CAPZB: variants seen among roughly 807,000 people sequenced by gnomAD.
The protein encoded by CAPZB is capping actin protein of muscle Z-line subunit beta.
Under a neutral mutation model 38.1 loss-of-function variants are expected in CAPZB, and 2 were observed. The observed-to-expected ratio is 0.05, with a 90% confidence interval of 0.02 to 0.17. The LOEUF (loss-of-function observed/expected upper bound fraction) is 0.17. Ranked by LOEUF, CAPZB falls within the 10% of genes least tolerant of loss-of-function variation. CAPZB has a pLI of 1.00. For missense variants in CAPZB, 161 were observed against 334.2 expected, an observed-to-expected ratio of 0.48 and a Z score of 4.04; for synonymous variants, 107 against 127.4, an observed-to-expected ratio of 0.84 and a Z score of 1.08.
chr1:19,419,368 C>T (rs1259723670), intron 2 of CAPZB, among the ~76,000 whole-genome samples: 3 of 152,162 alleles, frequency 2.0e-5, no homozygotes, highest in African/African-American at 7.2e-5. Flanking sequence ...TTCCTCACCA[C>T]GTCTAAATGC....
At chr1:19,468,119 G>C (rs2094574570) in intron 1 of CAPZB, among the ~76,000 whole-genome samples, 1 of 152,178 alleles carries the variant, frequency 6.6e-6, no homozygotes, top group African/African-American at 2.4e-5. Context: ...AAGGGGGCTA[G>C]GCACTGACAA....
chr1:19,348,763 G>T (rs77620107), intron 6 of CAPZB, among the ~76,000 whole-genome samples: 6,348 of 138,170 alleles, frequency 0.046, 211 homozygotes, highest in African/African-American at 0.068. Flanking sequence ...CTGACAAGGG[G>T]GGGGGGCGGT....
Position 19,485,498 on chromosome 1 carries a change from G to A in CAPZB, c.-60C>T, listed in dbSNP as rs925540193. ...TCAGTGGCTCTCCCCCCCGCAGCAG[G>A]GCCCGGCGCTTCCACTTCCCCGGGT... is the stretch of plus-strand genomic sequence containing the variant. On this transcript the variant is annotated 5_prime_UTR_variant, in exon 1 of 9. Transcript: ENST00000264202. 2.0e-5 allele frequency: 24 copies of A among 1,223,554 alleles called. 2 individuals are homozygous for A. The African/African-American group carries it at 3.4e-4, about 17-fold the overall frequency. 75.8% of individuals were successfully genotyped at this position (1,223,554 alleles called of 1,614,324 possible). A position where few individuals can be genotyped will look rare whatever the true frequency, so the allele number is the denominator to read the frequency against.
At position 19,356,558 on chromosome 1, in the gene CAPZB, C is replaced by A. The variant is rs554556306; in HGVS notation, c.588+77G>T. ...ATGCTTACCCTAAATGGGGCACCTGCTCACTCATCTCTGCAGGTCAGCACT... is the reference window on the plus strand; with the variant it reads ...ATGCTTACCCTAAATGGGGCACCTGATCACTCATCTCTGCAGGTCAGCACT... On this transcript the variant is annotated intron_variant, in intron 6 of 8. Transcript: ENST00000264202. The surrounding 1 kb of genome is among the most constrained non-coding windows in gnomAD (Gnocchi z 4.3). 1.1e-5 allele frequency: 10 copies of A among 911,538 alleles called. No individual in the cohort carries two copies. The East Asian group carries it at 2.4e-4, about 22-fold the overall frequency. 56.5% of individuals were successfully genotyped at this position (911,538 alleles called of 1,614,324 possible). A position where few individuals can be genotyped will look rare whatever the true frequency, so the allele number is the denominator to read the frequency against.
chr1:19,480,006 C>T (rs1349678968), intron 1 of CAPZB, among the ~76,000 whole-genome samples: 2 of 152,172 alleles, frequency 1.3e-5, no homozygotes, highest in Non-Finnish European at 2.9e-5. Context: ...GCTTCATGCC[C>T]AGCCCCCAAG....
chr1:19,470,627 T>C (rs1228600780), intron 1 of CAPZB, among the ~76,000 whole-genome samples: 1 of 152,164 alleles, frequency 6.6e-6, no homozygotes, highest in African/African-American at 2.4e-5. Flanking sequence ...GCTCCAGTGG[T>C]TTACTGTGGG....
chr1:19,390,762 G>C (rs1223542185), intron 2 of CAPZB, among the ~76,000 whole-genome samples: 2 of 152,192 alleles, frequency 1.3e-5, no homozygotes, highest in African/African-American at 2.4e-5. Context: ...GGAGAGACTA[G>C]GATGCCATTG....
Position 19,345,563 on chromosome 1 carries a change from C to G in CAPZB, c.589-311G>C, listed in dbSNP as rs74937848. Among the ~76,000 whole-genome samples, 389 of 152,360 alleles carry G rather than the reference C, an allele frequency of 2.6e-3. 1 individual carries two copies. The highest frequency in any genetic ancestry group is 9.0e-3 in the African/African-American group (375 of 41,588). ...AGCCCTTGGCAGGCACCAGCTCACC[C>G]GAGCCAACTGGAGAAGACTCACTCG... On this transcript the variant is annotated intron_variant, in intron 6 of 8. Coordinates refer to ENST00000264202, the MANE Select transcript of CAPZB (RefSeq NM_004930.5).
chr1:19,449,177 G>T, intron 1 of CAPZB: 1 of 1,276,716 alleles, frequency 7.8e-7, no homozygotes, highest in South Asian at 2.1e-5. Flanking sequence ...AGTGCACTGC[G>T]GTGTCTCTGA....
chr1:19,383,461 A>T lies in CAPZB; in HGVS notation c.215+2044T>A, dbSNP rs1031776246. ...GACTCTGTCTCAAAAAAAAAAAAAA[A>T]AAAAATTAGCTGGGCATGGTGATAC... On this transcript the variant is annotated intron_variant, in intron 3 of 8. Transcript: ENST00000264202. Among the ~76,000 whole-genome samples, 4 of 151,788 alleles carry T rather than the reference A, an allele frequency of 2.6e-5. No individual in the cohort carries two copies. In the South Asian group the frequency reaches 8.3e-4, roughly 32 times the overall value.
Position 19,357,494 on chromosome 1 carries a change from G to C in CAPZB, c.399C>G (p.Leu133=). Reference sequence around the variant, plus strand: ...TTGATCCATCTCCAGCCTTCTTTATGAGGATCACTCCAGCAAAGCCATGAT... The same window carrying C: ...TTGATCCATCTCCAGCCTTCTTTATCAGGATCACTCCAGCAAAGCCATGAT... ...DLDHGFAGVI[L]IKKAGDGSKK... Residue 133 remains leucine (L), a synonymous_variant, in exon 5 of 9, where the codon CTC becomes CTG. Coordinates refer to ENST00000264202, the MANE Select transcript of CAPZB (RefSeq NM_004930.5). This position sits in a 1 kb window ranked among gnomAD's most constrained non-coding sequence, Gnocchi z 4.3. The C allele has an allele frequency of 6.2e-7, 1 of 1,613,936 alleles. No homozygotes were observed. The highest frequency in any genetic ancestry group is 8.5e-7 in the Non-Finnish European group (1 of 1,179,968).
chr1:19,369,154 TC>T (rs1157688327), intron 4 of CAPZB, among the ~76,000 whole-genome samples: 1 of 152,178 alleles, frequency 6.6e-6, no homozygotes, highest in Non-Finnish European at 1.5e-5. Context: ...CAGATGAAAA[TC>T]AGACTGCACA....
intron 6 of CAPZB, among the ~76,000 whole-genome samples, chr1:19,352,201 G>C (rs75791642): frequency 1.3e-5 from 2 of 152,180 alleles, no homozygotes; most frequent in African/African-American, 4.8e-5. Flanking sequence ...ACTGCCAAAC[G>C]CAAGTCAAAG....
intron 4 of CAPZB, among the ~76,000 whole-genome samples, chr1:19,366,101 G>A (rs1489246468): frequency 6.6e-6 from 1 of 151,704 alleles, no homozygotes; most frequent in East Asian, 1.9e-4. Flanking sequence ...CATGTATGGT[G>A]TGTTCTGCTT....
intron 4 of CAPZB, among the ~76,000 whole-genome samples, chr1:19,358,072 C>A (rs2094031503): frequency 6.6e-6 from 1 of 152,208 alleles, no homozygotes; most frequent in African/African-American, 2.4e-5. Flanking sequence ...AAAGCGCTAG[C>A]CGGAAATGAA....
At chr1:19,449,004 G>A (rs2094505791) in intron 1 of CAPZB, 11 of 1,555,234 alleles carry the variant, frequency 7.1e-6, no homozygotes, top group Middle Eastern at 2.0e-4. Context: ...GACTAGGGAC[G>A]CTGCCCCAGG....
Position 19,483,518 on chromosome 1 carries a change from C to T in CAPZB, c.3+1918G>A, listed in dbSNP as rs1417747019. Among the ~76,000 whole-genome samples, 3 of 152,258 alleles carry T rather than the reference C, an allele frequency of 2.0e-5. No homozygotes were observed. In the East Asian group the frequency reaches 5.8e-4, roughly 29 times the overall value. ...CAGTGACTGGCAGACAGTTCCTCCACCCTTTCCAGCCTTTTCAGATGAGAG... is the reference window on the plus strand; with the variant it reads ...CAGTGACTGGCAGACAGTTCCTCCATCCTTTCCAGCCTTTTCAGATGAGAG... On this transcript the variant is annotated intron_variant, in intron 1 of 8. Transcript: ENST00000264202.
At chr1:19,480,775 C>T (rs2094625473) in intron 1 of CAPZB, among the ~76,000 whole-genome samples, 1 of 152,162 alleles carries the variant, frequency 6.6e-6, no homozygotes, top group Non-Finnish European at 1.5e-5. Flanking sequence ...AAAAGAGCCC[C>T]AGGCTCTATT....
At chr1:19,483,373 A>C (rs528412377) in intron 1 of CAPZB, among the ~76,000 whole-genome samples, 1 of 152,342 alleles carries the variant, frequency 6.6e-6, no homozygotes, top group Non-Finnish European at 1.5e-5. Context: ...CCACTGGCTG[A>C]GCAACACCCT....
Sources: allele counts gnomAD v4.1 joint callset (sites outside exome capture counted in the v4.1 genomes callset), GRCh38; gene constraint gnomAD v4.1.1; non-coding constraint Gnocchi (gnomAD v3.1); transcripts MANE v1.5; gene names NCBI Gene and HGNC (gene_info 2026-07-23, HGNC 2026-07-21).